LARS1: variants seen among roughly 807,000 people sequenced by gnomAD.
The protein encoded by LARS1 is leucyl-tRNA synthetase 1.
In LARS1, 100 loss-of-function variants were observed where a neutral mutation model predicts 162.8. The ratio of observed to expected loss-of-function variants is 0.61; its 90% confidence interval spans 0.52 to 0.73. The LOEUF (loss-of-function observed/expected upper bound fraction) is 0.73. Among genes scored for constraint, LARS1 ranks in the 30% least tolerant of loss-of-function variants. LARS1 has a pLI of 0.00. For synonymous variants in LARS1, 457 were observed against 462.8 expected (o/e 0.99, Z 0.16); for missense variants, 1,258 against 1,408.9 (o/e 0.89, Z 1.71).
chr5:146,159,361 T>G, intron 8 of LARS1, 46 bp downstream of exon 8: 1 of 1,428,108 alleles, frequency 7.0e-7, no homozygotes, highest in Non-Finnish European at 9.8e-7. Flanking sequence ...CTCTATAGTC[T>G]TATTAAGGAT....
At chr5:146,170,638 G>T (rs1754222770) in intron 4 of LARS1, among the ~76,000 whole-genome samples, 2 of 152,146 alleles carry the variant, frequency 1.3e-5, no homozygotes. Context: ...AATACATGCT[G>T]AAGTATTTAG....
chr5:146,157,157 G>A (rs1351066962), intron 10 of LARS1, among the ~76,000 whole-genome samples: 1 of 152,168 alleles, frequency 6.6e-6, no homozygotes, highest in Non-Finnish European at 1.5e-5. Context: ...GAGGAGAGAG[G>A]TGAGTACTAA....
In LARS1 at chr5:146,172,783, C is replaced by A. The variant is rs181291967; in HGVS notation, c.126-9G>T. The A allele has an allele frequency of 4.2e-4, 622 of 1,483,910 alleles. 3 individuals carry two copies. The African/African-American group carries it at 8.1e-3, about 19-fold the overall frequency. The allele number at this position is 1,483,910 out of a possible 1,614,324, so 91.9% of individuals were successfully genotyped here. ...CAAAATACTTGCCCTTGCTGCAAAA[C>A]AACAGTATAAAAAAGAAAGTACAGA... On this transcript the variant is annotated splice_polypyrimidine_tract_variant and intron_variant, in intron 2 of 31. Coordinates refer to ENST00000394434, the MANE Select transcript of LARS1 (RefSeq NM_020117.11).
chr5:146,147,872 C>G (rs1033700376), intron 15 of LARS1, among the ~76,000 whole-genome samples: 3 of 152,158 alleles, frequency 2.0e-5, no homozygotes, highest in Non-Finnish European at 2.9e-5. Flanking sequence ...CAAGGCAAAT[C>G]ATGAAATTTC....
intron 21 of LARS1, chr5:146,137,846 C>G (rs1265357244): frequency 4.0e-6 from 1 of 248,802 alleles, no homozygotes; most frequent in Non-Finnish European, 7.8e-6. Context: ...AAGGTGTTAG[C>G]TGGGCATGGT....
intron 30 of LARS1, among the ~76,000 whole-genome samples, chr5:146,121,304 C>T (rs1177305873): frequency 6.6e-6 from 1 of 152,018 alleles, no homozygotes; most frequent in Non-Finnish European, 1.5e-5. Flanking sequence ...TATCTAAGTC[C>T]TCTGCTTATC....
At chr5:146,179,074 A>G (rs544401991) in intron 1 of LARS1, among the ~76,000 whole-genome samples, 1 of 152,288 alleles carries the variant, frequency 6.6e-6, no homozygotes, top group Non-Finnish European at 1.5e-5. Context: ...TCTACTAAAA[A>G]TACAAAAATT....
At chr5:146,142,651 T>G in intron 20 of LARS1, 35 of 474,068 alleles carry the variant, frequency 7.4e-5, no homozygotes, top group Middle Eastern at 1.1e-3. Context: ...GCAATGCACC[T>G]GAGATATGAC....
chr5:146,122,705 G>T (rs1751880510), intron 29 of LARS1, 118 bp from the exon 30 acceptor site: 1 of 464,164 alleles, frequency 2.2e-6, no homozygotes, highest in Non-Finnish European at 3.9e-6. Flanking sequence ...AATGGTCTGT[G>T]CAATTTTATT....
rs764736247 is a variant in LARS1 at position 146,140,237 on chromosome 5, T to C, written c.2115A>G (p.Arg705=). Residue 705 remains arginine (R), a synonymous_variant, in exon 21 of 32, where the codon AGA becomes AGG. Transcript: ENST00000394434. The part of the protein sequence containing the change: ...EQSDKWPTAV[R]ANGHLLLNSE... The stretch of plus-strand genomic sequence containing the variant: ...AGTTCAGGAGGAGATGTCCATTTGC[T>C]CTCACAGCTGTAGGCCATTTGTCAC... 1 of 1,612,066 alleles carries C rather than the reference T, an allele frequency of 6.2e-7. No homozygotes were observed.
intron 21 of LARS1, 77 bp from the exon 22 acceptor site, chr5:146,135,741 G>T (rs1277378027): frequency 4.0e-6 from 4 of 1,002,660 alleles, no homozygotes; most frequent in Non-Finnish European, 5.9e-6. Context: ...AAATTAACTA[G>T]GTTGGCCATG....
At chr5:146,130,193 C>T in intron 24 of LARS1, 35 bp from the exon 25 acceptor site, 1 of 1,592,844 alleles carries the variant, frequency 6.3e-7, no homozygotes, top group Non-Finnish European at 8.5e-7. Flanking sequence ...ATTTCCCTCA[C>T]CTTCTTTAAA....
At chr5:146,122,316 G>A (rs892704206) in intron 30 of LARS1, among the ~76,000 whole-genome samples, 176 bp downstream of exon 30, 2 of 152,056 alleles carry the variant, frequency 1.3e-5, no homozygotes, top group African/African-American at 4.8e-5. Flanking sequence ...CAAGGAATTA[G>A]GACATTTCAG....
Position 146,143,409 on chromosome 5 carries a change from A to T in LARS1, c.1877+3T>A. On this transcript the variant is annotated splice_donor_region_variant and intron_variant, in intron 19 of 31. Transcript: ENST00000394434. Reference sequence around the variant, plus strand: ...TGCTCCTTTCCCTTATCTGTTTACCAACCTAATGCCCAGCGGAGACTCTGC... The same window carrying T: ...TGCTCCTTTCCCTTATCTGTTTACCTACCTAATGCCCAGCGGAGACTCTGC... The T allele has an allele frequency of 4.3e-6, 7 of 1,609,602 alleles. No individual in the cohort carries two copies. The highest frequency in any genetic ancestry group is 5.9e-6 in the Non-Finnish European group (7 of 1,177,146).
intron 28 of LARS1, among the ~76,000 whole-genome samples, chr5:146,125,786 C>T (rs572684738): frequency 3.9e-5 from 6 of 151,920 alleles, no homozygotes; most frequent in Admixed American, 6.6e-5. Flanking sequence ...AATACATCAG[C>T]GACGTATATG....
chr5:146,167,132 T>C (rs1460595092), intron 5 of LARS1, among the ~76,000 whole-genome samples: 6 of 152,194 alleles, frequency 3.9e-5, no homozygotes, highest in Admixed American at 3.9e-4. Flanking sequence ...ACAGAAAAGA[T>C]TAAGGAAACA....
intron 27 of LARS1, among the ~76,000 whole-genome samples, chr5:146,126,990 A>G (rs1752078037): frequency 1.3e-5 from 2 of 152,070 alleles, no homozygotes; most frequent in Non-Finnish European, 2.9e-5. Flanking sequence ...TGTTAAAAAC[A>G]GAATCATTTC....
intron 12 of LARS1, 130 bp from the exon 13 acceptor site, chr5:146,153,357 A>G: frequency 1.5e-6 from 1 of 686,220 alleles, no homozygotes; most frequent in Non-Finnish European, 2.5e-6. Context: ...CATAGAGAGC[A>G]ATTTTCTAAC....
intron 21 of LARS1, among the ~76,000 whole-genome samples, chr5:146,137,577 C>T (rs896865268): frequency 2.6e-5 from 4 of 152,162 alleles, no homozygotes; most frequent in African/African-American, 7.2e-5. Flanking sequence ...AGGAGCATTA[C>T]GTGACATCTA....
Sources: gnomAD v4.1 joint callset for allele counts (sites outside exome capture counted in the v4.1 genomes callset) on GRCh38, gnomAD v4.1.1 for gene constraint, MANE v1.5 for transcripts, NCBI Gene and HGNC (gene_info 2026-07-23, HGNC 2026-07-21) for gene names.